STK10: variants seen among roughly 807,000 people sequenced by gnomAD.
STK10 encodes serine/threonine kinase 10, also known as serine/threonine-protein kinase 10.
STK10 carries 78 observed loss-of-function variants against 113.8 expected under a neutral mutation model. The observed-to-expected ratio is 0.69, with a 90% CI of 0.57 to 0.83. The LOEUF is 0.83. Among genes scored for constraint, STK10 ranks in the 40% least tolerant of loss-of-function variants. The probability of loss-of-function intolerance (pLI) is 0.00; values close to 1 mark genes in which losing one functional copy is unlikely to be tolerated. For synonymous variants in STK10, 465 were observed against 494.7 expected (o/e 0.94, Z 0.80); for missense variants, 1,109 against 1,280.1 (o/e 0.87, Z 2.04).
At chr5:172,170,696 A>C (rs1770651776) in intron 1 of STK10, among the ~76,000 whole-genome samples, 1 of 152,252 alleles carries the variant, frequency 6.6e-6, no homozygotes, top group Admixed American at 6.5e-5. Context: ...GCCTTGGCTG[A>C]AAACGGGAGC....
intron 12 of STK10, among the ~76,000 whole-genome samples, chr5:172,078,182 T>C (rs1431069439): frequency 2.6e-5 from 4 of 152,192 alleles, no homozygotes; most frequent in Non-Finnish European, 1.5e-5. Context: ...GAGTAGGCAA[T>C]GGCAAGACAG....
intron 12 of STK10, among the ~76,000 whole-genome samples, chr5:172,081,745 C>T (rs915740038): frequency 6.6e-6 from 1 of 152,184 alleles, no homozygotes; most frequent in Non-Finnish European, 1.5e-5. Context: ...CCTGGACTGG[C>T]GTTCCTGCCC....
At chr5:172,178,252 G>A (rs1421755115) in intron 1 of STK10, among the ~76,000 whole-genome samples, 1 of 152,286 alleles carries the variant, frequency 6.6e-6, no homozygotes, top group East Asian at 1.9e-4. Context: ...GCCACACCGT[G>A]TGGCCCCATC....
intron 1 of STK10, among the ~76,000 whole-genome samples, chr5:172,170,414 A>T (rs762205266): frequency 6.6e-6 from 1 of 152,132 alleles, no homozygotes; most frequent in Non-Finnish European, 1.5e-5. Context: ...TTCCCAATCA[A>T]TCATCACCAT....
At position 172,118,010 on chromosome 5, in the gene STK10, CAAAAAAA is replaced by C. The variant is rs57672334; in HGVS notation, c.371-387_371-381del. On this transcript the variant is annotated intron_variant, in intron 3 of 18. Transcript: ENST00000176763. ...CCTGTGCGACAGTGATACTCCATCT[CAAAAAAA>C]AAAAAAAAAAAAAAGCCACCAATAT... is the stretch of plus-strand genomic sequence containing the variant. Among the ~76,000 whole-genome samples, 10 of 69,826 alleles carry C rather than the reference CAAAAAAA, an allele frequency of 1.4e-4. No homozygotes were observed. In the Admixed American group the frequency reaches 1.7e-3, roughly 12 times the overall value. 45.8% of individuals were successfully genotyped at this position (69,826 alleles called of 152,430 possible).
Position 172,061,173 on chromosome 5 carries a change from G to A in STK10, c.2178C>T (p.Arg726=), listed in dbSNP as rs768019174. 11 of 1,613,026 alleles carry A rather than the reference G, an allele frequency of 6.8e-6. No individual in the cohort carries two copies. Among genetic ancestry groups the A allele is most frequent in the Admixed American group, 3.3e-5 (2 of 59,856 alleles). Residue 726 remains arginine (R), a synonymous_variant, in exon 14 of 19, where the codon CGC becomes CGT. Transcript: ENST00000176763. ...DNRREICDKE[R]ECLMKKQELL... is the part of the protein sequence containing the mutation. Reference sequence around the variant, plus strand: ...GCTCCTGCTTCTTCATGAGGCACTCGCGCTCCTTGTCACAGATCTCCCGCC... The same window carrying A: ...GCTCCTGCTTCTTCATGAGGCACTCACGCTCCTTGTCACAGATCTCCCGCC...
chr5:172,068,696 C>G (rs1768121234), intron 12 of STK10, among the ~76,000 whole-genome samples: 1 of 151,946 alleles, frequency 6.6e-6, no homozygotes, highest in African/African-American at 2.4e-5. Context: ...TGGCTCACAC[C>G]TGTAATGCCA....
chr5:172,101,070 C>A (rs529220475), intron 7 of STK10, among the ~76,000 whole-genome samples: 1 of 152,318 alleles, frequency 6.6e-6, no homozygotes, highest in African/African-American at 2.4e-5. Context: ...TGAACAGCAT[C>A]TACTTCAGAG....
At position 172,107,862 on chromosome 5, in the gene STK10, A is replaced by G; in HGVS notation, c.521-10T>C. ...GACACACCAAAGTCAGCTGCAAGACAAAATCTCAGCTAGCGTTTTCCACCC... is the reference window on the plus strand; with the variant it reads ...GACACACCAAAGTCAGCTGCAAGACGAAATCTCAGCTAGCGTTTTCCACCC... On this transcript the variant is annotated splice_polypyrimidine_tract_variant and intron_variant, in intron 4 of 18. Transcript: ENST00000176763. 1 of 1,614,018 alleles carries G rather than the reference A, an allele frequency of 6.2e-7. No homozygotes were observed. Among genetic ancestry groups the G allele is most frequent in the Non-Finnish European group, 8.5e-7 (1 of 1,179,850 alleles).
chr5:172,078,178 G>A (rs934051220), intron 12 of STK10, among the ~76,000 whole-genome samples: 1 of 152,328 alleles, frequency 6.6e-6, no homozygotes, highest in Non-Finnish European at 1.5e-5. Context: ...TGTGGAGTAG[G>A]CAATGGCAAG....
At chr5:172,169,411 G>A (rs1770625839) in intron 1 of STK10, among the ~76,000 whole-genome samples, 1 of 152,128 alleles carries the variant, frequency 6.6e-6, no homozygotes, top group Admixed American at 6.6e-5. Flanking sequence ...TGAACGGATG[G>A]GAGGTAGGGG....
chr5:172,053,212 G>C, intron 17 of STK10, 170 bp from the exon 18 acceptor site: 1 of 605,448 alleles, frequency 1.7e-6, no homozygotes, highest in South Asian at 2.0e-5. Context: ...CATGCACCAA[G>C]AAGTGCCTGG....
chr5:172,146,435 G>A (rs1433282431), intron 2 of STK10, among the ~76,000 whole-genome samples: 1 of 152,172 alleles, frequency 6.6e-6, no homozygotes, highest in East Asian at 1.9e-4. Flanking sequence ...GAAGAAGGAA[G>A]CAGCTCAAGA....
At position 172,090,513 on chromosome 5, in the gene STK10, T is replaced by C. The variant is rs1020429685; in HGVS notation, c.1555-151A>G. ...ATCCATCGTCCCTCTTGCCTCAACT[T>C]AACCTAGGAGCTGGGGGTTCTGAGC... On this transcript the variant is annotated intron_variant, in intron 9 of 18. Coordinates refer to ENST00000176763, the MANE Select transcript of STK10 (RefSeq NM_005990.4). 3 of 1,116,744 alleles carry C rather than the reference T, an allele frequency of 2.7e-6. No homozygotes were observed. In the African/African-American group the frequency reaches 4.7e-5, roughly 18 times the overall value. 69.2% of individuals were successfully genotyped at this position (1,116,744 alleles called of 1,614,324 possible).
chr5:172,113,660 TA>T (rs2113773214), intron 4 of STK10, among the ~76,000 whole-genome samples: 1 of 152,338 alleles, frequency 6.6e-6, no homozygotes, highest in East Asian at 1.9e-4. Flanking sequence ...CTCATGCCTG[TA>T]ATCCCAGCAC....
intron 17 of STK10, 34 bp downstream of exon 17, chr5:172,054,535 C>A: frequency 6.3e-7 from 1 of 1,596,132 alleles, no homozygotes; most frequent in Non-Finnish European, 8.5e-7. Context: ...CTGAGGCAGC[C>A]TGGGGGCAGG....
rs972523729 is a variant in STK10, at chr5:172,053,853, G to A, written c.2652+716C>T. On this transcript the variant is annotated intron_variant, in intron 17 of 18. Transcript: ENST00000176763. ...CTGTGGCCTGCCAGGAGCTGTGCTC[G>A]GCACTTCATACGGGCTCTCTCAGTG... is the stretch of plus-strand genomic sequence containing the variant. Among the ~76,000 whole-genome samples the A allele has an allele frequency of 3.9e-5, 6 of 152,222 alleles. No homozygotes were observed. In the East Asian group the frequency reaches 5.8e-4, roughly 15 times the overall value.
rs548846105 is a variant in STK10, at chr5:172,052,916, C to G, written c.2766+13G>C. 1 of 1,613,312 alleles carries G rather than the reference C, an allele frequency of 6.2e-7. No individual in the cohort carries two copies. ...GAGCCCGAGACTGAGCCCACCAGCT[C>G]GGATAAAGTTACCTTCTTGCGCGGC... On this transcript the variant is annotated intron_variant, in intron 18 of 18. Transcript: ENST00000176763.
intron 2 of STK10, among the ~76,000 whole-genome samples, chr5:172,151,519 G>A (rs999439985): frequency 6.6e-6 from 1 of 151,972 alleles, no homozygotes. Flanking sequence ...GCTAACTTTT[G>A]TATTTTTAGT....
Sources: gnomAD v4.1 joint callset for allele counts (sites outside exome capture counted in the v4.1 genomes callset) on GRCh38, gnomAD v4.1.1 for gene constraint, MANE v1.5 for transcripts, NCBI Gene and HGNC (gene_info 2026-07-23, HGNC 2026-07-21) for gene names.